The following L3HYPDH variants were observed in gnomAD, a reference collection of about 807,000 sequenced individuals.
L3HYPDH encodes trans-L-3-hydroxyproline dehydratase, also known as trans-3-hydroxy-L-proline dehydratase.
L3HYPDH carries 32 observed loss-of-function variants against 26.5 expected under a neutral mutation model. The observed-to-expected ratio is 1.21, with a 90% CI of 0.91 to 1.62. The LOEUF is 1.62. L3HYPDH is among the 40% of genes most tolerant of loss of function. The pLI is 0.00. For synonymous variants in L3HYPDH, 215 were observed against 196.6 expected, an observed-to-expected ratio of 1.09 and a Z score of -0.78; for missense variants, 554 against 476.4, an observed-to-expected ratio of 1.16 and a Z score of -1.52.
downstream of L3HYPDH, among the ~76,000 whole-genome samples, chr14:59,468,282 A>G (rs1249529620): frequency 6.6e-6 from 1 of 152,192 alleles, no homozygotes; most frequent in Non-Finnish European, 1.5e-5. Context: ...CCAATCCTTA[A>G]TATTTCCTAC....
chr14:59,474,274 T>C (rs1889470661), intron 4 of L3HYPDH, among the ~76,000 whole-genome samples: 1 of 152,044 alleles, frequency 6.6e-6, no homozygotes, highest in African/African-American at 2.4e-5. Flanking sequence ...TCTGGGAACA[T>C]ACCAAGGAAA....
the L3HYPDH span, among the ~76,000 whole-genome samples, chr14:59,493,291 T>C: frequency 1.3e-5 from 2 of 152,168 alleles, no homozygotes; most frequent in Non-Finnish European, 2.9e-5. Context: ...AAGGCACACC[T>C]GTTAACAGCC....
chr14:59,484,543 C>G (rs761675018), upstream of L3HYPDH: 1 of 1,562,516 alleles, frequency 6.4e-7, no homozygotes, highest in Non-Finnish European at 8.7e-7. Flanking sequence ...GTGCAGCTGC[C>G]AGATCCGCTG....
Position 59,484,080 on chromosome 14 carries a change from G to A in L3HYPDH, c.237C>T (p.Val79=), listed in dbSNP as rs1474190217. 1.9e-6 allele frequency: 3 copies of A among 1,607,010 alleles called. No homozygotes were observed. Among genetic ancestry groups the A allele is most frequent in the Admixed American group, 1.7e-5 (1 of 59,924 alleles). ...PRGHRDMYGA[V]LVPSELPDAH... is the part of the protein sequence containing the mutation. ...CGTCCGGCAGCTCGCTCGGGACTAG[G>A]ACCGCCCCGTACATGTCCCGGTGCC... The change falls in exon 1 of 5, where the codon GTC becomes GTT. Residue 79 remains valine (V), a synonymous_variant. Coordinates refer to ENST00000247194, the MANE Select transcript of L3HYPDH (RefSeq NM_144581.2).
At chr14:59,489,196 T>A (rs1890804073), upstream of L3HYPDH, among the ~76,000 whole-genome samples, 1 of 58,400 alleles carries the variant, frequency 1.7e-5, no homozygotes, top group African/African-American at 1.1e-4. Flanking sequence ...TTTTTAAGTA[T>A]AAGTCCCAAT....
chr14:59,483,654 GCT>G lies in L3HYPDH; in HGVS notation c.508+153_508+154del, dbSNP rs1284355312. On this transcript the variant is annotated intron_variant, in intron 1 of 4. Coordinates refer to ENST00000247194, the MANE Select transcript of L3HYPDH (RefSeq NM_144581.2). ...TTACACGCACCAAATACGCAAGGCT[GCT>G]GACACACGTTGGCAGTGATTTACCT... is the stretch of plus-strand genomic sequence containing the variant. 77 of 1,443,888 alleles carry G rather than the reference GCT, an allele frequency of 5.3e-5. 1 individual carries two copies. In the East Asian group the frequency reaches 1.9e-3, roughly 36 times the overall value. 89.4% of individuals were successfully genotyped at this position (1,443,888 alleles called of 1,614,324 possible).
downstream of L3HYPDH, among the ~76,000 whole-genome samples, chr14:59,468,352 C>G (rs1889242908): frequency 6.6e-6 from 1 of 152,194 alleles, no homozygotes; most frequent in South Asian, 2.1e-4. Flanking sequence ...CACTTTCCTT[C>G]TTTTTTCTGT....
the L3HYPDH span, among the ~76,000 whole-genome samples, chr14:59,490,540 A>G: frequency 2.0e-5 from 3 of 152,218 alleles, no homozygotes; most frequent in Non-Finnish European, 4.4e-5. Flanking sequence ...ATTTAATAGA[A>G]GACTGTTGTC....
the L3HYPDH span, among the ~76,000 whole-genome samples, chr14:59,497,805 C>T: frequency 1.4e-3 from 216 of 152,250 alleles, no homozygotes; most frequent in African/African-American, 5.0e-3. Context: ...CATAGGAACA[C>T]AGGATTATGG....
At chr14:59,465,889 G>A (rs1431295775) in intron 1 of L3HYPDH, among the ~76,000 whole-genome samples, 1 of 152,178 alleles carries the variant, frequency 6.6e-6, no homozygotes, top group Admixed American at 6.5e-5. Flanking sequence ...CCAGCGTTTC[G>A]AATATGTCTG....
the L3HYPDH span, among the ~76,000 whole-genome samples, chr14:59,490,867 GT>G: frequency 1.3e-5 from 2 of 152,202 alleles, no homozygotes; most frequent in Admixed American, 6.5e-5. Context: ...ACAGGCATAG[GT>G]ATGTCTTCAC....
chr14:59,488,483 A>C (rs1247610812), upstream of L3HYPDH, among the ~76,000 whole-genome samples: 3 of 152,220 alleles, frequency 2.0e-5, no homozygotes, highest in Non-Finnish European at 4.4e-5. Context: ...CATTTTAGGC[A>C]GAAGAAACAG....
the L3HYPDH span, among the ~76,000 whole-genome samples, chr14:59,490,464 G>A: frequency 6.6e-6 from 1 of 152,276 alleles, no homozygotes; most frequent in South Asian, 2.1e-4. Flanking sequence ...GTATGGAAGT[G>A]GCATCATTTG....
intron 2 of L3HYPDH, among the ~76,000 whole-genome samples, chr14:59,476,579 G>T (rs1198150185): frequency 6.6e-6 from 1 of 152,172 alleles, no homozygotes; most frequent in African/African-American, 2.4e-5. Context: ...CAAACAGGAT[G>T]AGCTAAGGCA....
At chr14:59,493,910 T>A in the L3HYPDH span, among the ~76,000 whole-genome samples, 5 of 152,172 alleles carry the variant, frequency 3.3e-5, no homozygotes, top group African/African-American at 1.2e-4. Context: ...TATGAAACTT[T>A]ATATGAAAGA....
chr14:59,486,010 A>G (rs1890539609), upstream of L3HYPDH: 1 of 152,248 alleles, frequency 6.6e-6, no homozygotes. Flanking sequence ...GTCAAAGACA[A>G]CGTATTAGGT....
chr14:59,484,701 C>T, upstream of L3HYPDH: 1 of 1,367,524 alleles, frequency 7.3e-7, no homozygotes, highest in Non-Finnish European at 1.0e-6. Context: ...GTTGGCGGCG[C>T]AGGCTCGCCC....
chr14:59,496,995 A>AG, the L3HYPDH span, among the ~76,000 whole-genome samples: 6 of 147,534 alleles, frequency 4.1e-5, no homozygotes, highest in East Asian at 1.2e-3. Context: ...AAGTCATAGT[A>AG]ATTTTTTTTT....
At chr14:59,500,192 A>G in the L3HYPDH span, among the ~76,000 whole-genome samples, 5 of 152,314 alleles carry the variant, frequency 3.3e-5, no homozygotes. Flanking sequence ...ATAACTGTCT[A>G]TGAAATAAAA....
Sources: allele counts gnomAD v4.1 joint callset (sites outside exome capture counted in the v4.1 genomes callset), GRCh38; gene constraint gnomAD v4.1.1; transcripts MANE v1.5; gene names NCBI Gene and HGNC (gene_info 2026-07-23, HGNC 2026-07-21).